The following CERS6 variants were observed in gnomAD, a reference collection of about 807,000 sequenced individuals.
The protein encoded by CERS6 is ceramide synthase 6.
In CERS6, 26 loss-of-function variants were observed where a neutral mutation model predicts 56.8. That is an observed-to-expected ratio of 0.46 (90% CI 0.34 to 0.63). The LOEUF is 0.63. CERS6 is among the 30% of genes least tolerant of loss of function. CERS6 has a pLI of 0.01. For synonymous variants in CERS6, 164 were observed against 173.3 expected, an observed-to-expected ratio of 0.95 and a Z score of 0.42; for missense variants, 415 against 467.5, an observed-to-expected ratio of 0.89 and a Z score of 1.04.
chr2:168,667,156 A>T (rs16823012), intron 4 of CERS6, among the ~76,000 whole-genome samples: 17,212 of 152,188 alleles, frequency 0.11, 979 homozygotes, highest in Middle Eastern at 0.13. Flanking sequence ...TATATTTCGG[A>T]TTGGGATTTT....
chr2:168,474,585 C>G (rs1255971338), intron 1 of CERS6, among the ~76,000 whole-genome samples: 1 of 152,102 alleles, frequency 6.6e-6, no homozygotes, highest in African/African-American at 2.4e-5. Flanking sequence ...TTCCAAAGAA[C>G]AGAAGGTTGG....
chr2:168,464,666 C>A (rs1440706455), intron 1 of CERS6, among the ~76,000 whole-genome samples: 1 of 142,054 alleles, frequency 7.0e-6, no homozygotes, highest in Non-Finnish European at 1.5e-5. Flanking sequence ...TTGAATGGGT[C>A]TTTATGAGGG....
intron 1 of CERS6, among the ~76,000 whole-genome samples, chr2:168,463,491 C>G (rs1365139523): frequency 1.3e-5 from 2 of 152,164 alleles, no homozygotes; most frequent in African/African-American, 4.8e-5. Flanking sequence ...CTAGAGGTGG[C>G]ATTTCTGAGC....
intron 4 of CERS6, among the ~76,000 whole-genome samples, chr2:168,666,789 G>A (rs1372646978): frequency 6.6e-6 from 1 of 152,128 alleles, no homozygotes; most frequent in Non-Finnish European, 1.5e-5. Flanking sequence ...TCCTTTTTCA[G>A]GTTCTCCTCT....
intron 3 of CERS6, among the ~76,000 whole-genome samples, chr2:168,564,913 A>T (rs1695858022): frequency 6.6e-6 from 1 of 152,146 alleles, no homozygotes; most frequent in Non-Finnish European, 1.5e-5. Context: ...TTGTTCTTTC[A>T]TTTCTCAACA....
chr2:168,688,780 C>T (rs1050608843), intron 4 of CERS6, among the ~76,000 whole-genome samples: 4 of 152,116 alleles, frequency 2.6e-5, no homozygotes, highest in African/African-American at 9.7e-5. Flanking sequence ...CAGGTCTGTG[C>T]CCCTGCCTCC....
At chr2:168,563,518 C>T (rs1574068245) in intron 3 of CERS6, among the ~76,000 whole-genome samples, 1 of 152,142 alleles carries the variant, frequency 6.6e-6, no homozygotes, top group South Asian at 2.1e-4. Flanking sequence ...AGATATGGGG[C>T]CAGGTGCAGT....
chr2:168,624,203 G>A (rs75404839), intron 3 of CERS6, among the ~76,000 whole-genome samples: 2,630 of 152,212 alleles, frequency 0.017, 104 homozygotes, highest in East Asian at 0.16. Context: ...TGTGCTTTAC[G>A]TTATTTAGAG....
intron 4 of CERS6, among the ~76,000 whole-genome samples, chr2:168,652,451 GT>G (rs1685366968): frequency 6.6e-6 from 1 of 151,794 alleles, no homozygotes. Context: ...CCTGAGCTGC[GT>G]TTCTTTGTTT....
intron 4 of CERS6, among the ~76,000 whole-genome samples, chr2:168,635,001 A>C (rs985478886): frequency 5.3e-5 from 8 of 152,176 alleles, no homozygotes; most frequent in Non-Finnish European, 1.2e-4. Context: ...ATTTTTGAAA[A>C]AGTCTATCTA....
At chr2:168,490,604 A>G (rs1694352637) in intron 1 of CERS6, among the ~76,000 whole-genome samples, 1 of 152,152 alleles carries the variant, frequency 6.6e-6, no homozygotes, top group Non-Finnish European at 1.5e-5. Context: ...TGCTTCTGCT[A>G]AGTTTACAGG....
Position 168,502,331 on chromosome 2 carries a change from ACAGT to A in CERS6, c.171-45261_171-45258del, listed in dbSNP as rs1267813357. On this transcript the variant is annotated intron_variant, in intron 1 of 9. Coordinates refer to ENST00000305747, the MANE Select transcript of CERS6 (RefSeq NM_203463.3). ...AGACTCTGAAACTGTCTTTTGTGAGACAGTCAGAGTATGGAAAGGACATCTTCAG... is the reference window on the plus strand; with the variant it reads ...AGACTCTGAAACTGTCTTTTGTGAGACAGAGTATGGAAAGGACATCTTCAG... Among the ~76,000 whole-genome samples, 13 of 152,172 alleles carry A rather than the reference ACAGT, an allele frequency of 8.5e-5. No homozygotes were observed. The East Asian group carries it at 1.2e-3, about 14-fold the overall frequency.
intron 4 of CERS6, among the ~76,000 whole-genome samples, chr2:168,677,637 A>G (rs1383752800): frequency 6.6e-6 from 1 of 152,016 alleles, no homozygotes; most frequent in African/African-American, 2.4e-5. Context: ...AGCTGAGATT[A>G]CAGGCATGCA....
chr2:168,583,973 C>T (rs1295809161), intron 3 of CERS6, among the ~76,000 whole-genome samples: 3 of 152,190 alleles, frequency 2.0e-5, no homozygotes, highest in African/African-American at 7.2e-5. Context: ...TTAGAATGTA[C>T]CAAGATCGCT....
chr2:168,472,757 A>G (rs1389853028), intron 1 of CERS6, among the ~76,000 whole-genome samples: 2 of 152,236 alleles, frequency 1.3e-5, no homozygotes, highest in Admixed American at 6.5e-5. Context: ...TCTTTTTAAA[A>G]GATAAACAGA....
At chr2:168,513,377 C>T (rs1236519195) in intron 1 of CERS6, among the ~76,000 whole-genome samples, 4 of 152,130 alleles carry the variant, frequency 2.6e-5, no homozygotes, top group African/African-American at 9.7e-5. Context: ...TCCAGGGTCC[C>T]ATTCAGAATA....
intron 6 of CERS6, among the ~76,000 whole-genome samples, chr2:168,700,699 C>T (rs1404095679): frequency 6.6e-6 from 1 of 152,166 alleles, no homozygotes; most frequent in Non-Finnish European, 1.5e-5. Context: ...TTCGATGTGA[C>T]CTTGAGCAAG....
At chr2:168,484,417 G>A (rs1470832654) in intron 1 of CERS6, among the ~76,000 whole-genome samples, 3 of 151,650 alleles carry the variant, frequency 2.0e-5, no homozygotes, top group African/African-American at 7.3e-5. Context: ...CCGACCTCAG[G>A]TGATCCACTT....
rs1684593659 is a variant in CERS6 at position 168,761,950 on chromosome 2, G to A, written c.846-3642G>A. On this transcript the variant is annotated intron_variant, in intron 8 of 9. Coordinates refer to ENST00000305747, the MANE Select transcript of CERS6 (RefSeq NM_203463.3). Reference sequence around the variant, plus strand: ...ATGTTCTCACTCATAAGTGGGAGTTGAACAATGAGAACACAGGGACACAGG... The same window carrying A: ...ATGTTCTCACTCATAAGTGGGAGTTAAACAATGAGAACACAGGGACACAGG... Among the ~76,000 whole-genome samples, 3 of 152,042 alleles carry A rather than the reference G, an allele frequency of 2.0e-5. No individual in the cohort carries two copies. In the South Asian group the frequency reaches 6.3e-4, roughly 32 times the overall value.
Sources: gnomAD v4.1 joint callset for allele counts (sites outside exome capture counted in the v4.1 genomes callset) on GRCh38, gnomAD v4.1.1 for gene constraint, MANE v1.5 for transcripts, NCBI Gene and HGNC (gene_info 2026-07-23, HGNC 2026-07-21) for gene names.